RAB37: variants seen among roughly 807,000 people sequenced by gnomAD.
RAB37 encodes ras-related protein Rab-37.
Under a neutral mutation model 33.1 loss-of-function variants are expected in RAB37, and 29 were observed. The ratio of observed to expected loss-of-function variants is 0.88; its 90% CI spans 0.65 to 1.20. The LOEUF is 1.20. RAB37 is among the 50% of genes most tolerant of loss of function. RAB37 has a pLI of 0.00. For synonymous variants in RAB37, 128 were observed against 119.5 expected (o/e 1.07, Z -0.47); for missense variants, 299 against 301.1 (o/e 0.99, Z 0.05).
At chr17:74,692,134 G>A (rs2032170393) in intron 1 of RAB37, among the ~76,000 whole-genome samples, 3 of 152,008 alleles carry the variant, frequency 2.0e-5, no homozygotes, top group African/African-American at 7.3e-5. Flanking sequence ...CCAAAGTGCT[G>A]GGATTACAGG....
chr17:74,691,529 T>C (rs1284772542), intron 1 of RAB37, among the ~76,000 whole-genome samples: 9 of 152,106 alleles, frequency 5.9e-5, no homozygotes, highest in Non-Finnish European at 1.3e-4. Flanking sequence ...AATGGATCGG[T>C]CTTCCCATGC....
At chr17:74,699,317 C>T (rs2032818194) in intron 1 of RAB37, among the ~76,000 whole-genome samples, 1 of 152,128 alleles carries the variant, frequency 6.6e-6, no homozygotes, top group African/African-American at 2.4e-5. Flanking sequence ...ACTCCTAAAA[C>T]ACCTCCTGCC....
At position 74,704,447 on chromosome 17, in the gene RAB37, G is replaced by A. The variant is rs746213788; in HGVS notation, c.73-24809G>A. The A allele has an allele frequency of 3.4e-6, 5 of 1,487,776 alleles. No homozygotes were observed. The African/African-American group carries it at 5.5e-5, about 16-fold the overall frequency. 92.2% of individuals were successfully genotyped at this position (1,487,776 alleles called of 1,614,324 possible). A position where few individuals can be genotyped will look rare whatever the true frequency, so the allele number is the denominator to read the frequency against. On this transcript the variant is annotated intron_variant, in intron 1 of 7. Coordinates refer to the RAB37 transcript ENST00000340415. ...GAGACCAGGACAGAGCAGGCCCTGA[G>A]AGACACACACATATATACACTCCCT... is the stretch of plus-strand genomic sequence containing the variant.
chr17:74,702,126 T>C (rs980351583), intron 1 of RAB37, among the ~76,000 whole-genome samples: 4 of 151,706 alleles, frequency 2.6e-5, no homozygotes, highest in African/African-American at 9.7e-5. Context: ...ACCGGGGACC[T>C]CCCATAGGGA....
chr17:74,706,428 CATATAT>C (rs1035920274), intron 1 of RAB37, among the ~76,000 whole-genome samples: 1 of 147,662 alleles, frequency 6.8e-6, no homozygotes, highest in Non-Finnish European at 1.5e-5. Flanking sequence ...ATAAAAAGAA[CATATAT>C]ATATAAATTC....
chr17:74,683,171 C>A (rs1850280706), intron 1 of RAB37, among the ~76,000 whole-genome samples: 2 of 152,204 alleles, frequency 1.3e-5, no homozygotes, highest in African/African-American at 2.4e-5. Flanking sequence ...ACTTGGGAAA[C>A]AAACTGCTGT....
At chr17:74,697,126 T>G (rs542422411) in intron 1 of RAB37, among the ~76,000 whole-genome samples, 2 of 152,118 alleles carry the variant, frequency 1.3e-5, no homozygotes, top group African/African-American at 4.8e-5. Context: ...GCATTTTTAG[T>G]AGAGAAGGGG....
chr17:74,701,341 A>C (rs754906256), intron 1 of RAB37, among the ~76,000 whole-genome samples: 1 of 152,182 alleles, frequency 6.6e-6, no homozygotes, highest in Non-Finnish European at 1.5e-5. Flanking sequence ...TAATTCCCTT[A>C]AACAGTGACA....
chr17:74,693,901 C>G (rs569398883), intron 1 of RAB37, among the ~76,000 whole-genome samples: 2 of 152,002 alleles, frequency 1.3e-5, no homozygotes, highest in East Asian at 3.9e-4. Context: ...TGCACTCCAG[C>G]CTGGGGAACA....
intron 1 of RAB37, among the ~76,000 whole-genome samples, chr17:74,672,230 G>A (rs1481001900): frequency 6.6e-6 from 1 of 152,148 alleles, no homozygotes; most frequent in Non-Finnish European, 1.5e-5. Flanking sequence ...ATGCAACTCA[G>A]TTTTCAGTAA....
Position 74,729,999 on chromosome 17 carries a change from G to C in RAB37, c.183+633G>C, listed in dbSNP as rs80325369. ...GTAAAATGGTAAAAGGGCAGCTCGG[G>C]TTAAGGAAGCCCAGTGCCCTCGGCT... is the stretch of plus-strand genomic sequence containing the variant. On this transcript the variant is annotated intron_variant, in intron 2 of 7. Transcript: ENST00000340415. This position sits in a 1 kb window ranked among gnomAD's most constrained non-coding sequence, Gnocchi z 4.2. 0.018 allele frequency among the ~76,000 whole-genome samples: 2,732 copies of C among 152,228 alleles called. 99 individuals carry two copies. Among genetic ancestry groups the C allele is most frequent in the East Asian group, 0.16 (838 of 5,152 alleles).
chr17:74,740,945 G>A, intron 2 of RAB37, 67 bp downstream of exon 2: 1 of 1,201,588 alleles, frequency 8.3e-7, no homozygotes, highest in Non-Finnish European at 1.2e-6. Flanking sequence ...TGGGGGGGTT[G>A]CCCCCACCTT....
chr17:74,735,049 GAAAGAAAGAA>G (rs1280724432), upstream of RAB37, among the ~76,000 whole-genome samples: 8 of 135,896 alleles, frequency 5.9e-5, no homozygotes, highest in South Asian at 4.6e-4. Context: ...AAGAAAGAAA[GAAAGAAAGAA>G]AGAGAAAGAA....
chr17:74,724,549 A>G (rs1009240951), intron 1 of RAB37, among the ~76,000 whole-genome samples: 1 of 152,232 alleles, frequency 6.6e-6, no homozygotes, highest in Non-Finnish European at 1.5e-5. Context: ...TGTGTGAGCA[A>G]CGTGGCTGTT....
intron 1 of RAB37, among the ~76,000 whole-genome samples, chr17:74,716,934 G>A (rs1371035798): frequency 6.6e-6 from 1 of 152,198 alleles, no homozygotes; most frequent in African/African-American, 2.4e-5. Context: ...AGGAGTTCAA[G>A]ACCAGCCTGA....
chr17:74,727,332 C>T (rs967327302), intron 1 of RAB37, among the ~76,000 whole-genome samples: 1 of 152,216 alleles, frequency 6.6e-6, no homozygotes, highest in Non-Finnish European at 1.5e-5. Flanking sequence ...AGGGAAATGC[C>T]TGTGAGAGAA....
intron 1 of RAB37, among the ~76,000 whole-genome samples, chr17:74,696,899 ATTTTGTTTGG>A (rs1245760387): frequency 3.7e-5 from 5 of 136,020 alleles, no homozygotes; most frequent in African/African-American, 1.4e-4. Flanking sequence ...GTAGGGACCG[ATTTTGTTTGG>A]TTTGGTTTGG....
intron 1 of RAB37, among the ~76,000 whole-genome samples, chr17:74,672,165 A>G (rs1362087445): frequency 6.6e-6 from 1 of 152,136 alleles, no homozygotes; most frequent in African/African-American, 2.4e-5. Context: ...CCCTGTAAGC[A>G]TTTGCTTATT....
At position 74,741,011 on chromosome 17, in the gene RAB37, G is replaced by A. The variant is rs546585853; in HGVS notation, c.204+133G>A. On this transcript the variant is annotated intron_variant, in intron 2 of 8. Transcript: ENST00000392613. ...CTCATGCCTGGAGGGCACACAACCC[G>A]CTCCCCCAAGACCACAGAGGTGGCC... 9.1e-4 allele frequency: 629 copies of A among 694,886 alleles called. 3 individuals carry two copies. Among genetic ancestry groups the A allele is most frequent in the South Asian group, 2.7e-3 (164 of 61,882 alleles). The allele number at this position is 694,886 out of a possible 1,614,324, so 43.0% of individuals were successfully genotyped here. A position where few individuals can be genotyped will look rare whatever the true frequency, so the allele number is the denominator to read the frequency against.
Sources: gnomAD v4.1 joint callset for allele counts (sites outside exome capture counted in the v4.1 genomes callset) on GRCh38, gnomAD v4.1.1 for gene constraint, Gnocchi (gnomAD v3.1) non-coding constraint, MANE v1.5 for transcripts, NCBI Gene and HGNC (gene_info 2026-07-23, HGNC 2026-07-21) for gene names.